Variants in CCDC88A observed in about 807,000 individuals in gnomAD.
The protein encoded by CCDC88A is girdin.
CCDC88A carries 54 observed loss-of-function variants against 234.3 expected under a neutral mutation model. The ratio of observed to expected loss-of-function variants is 0.23; its 90% CI spans 0.19 to 0.29. The LOEUF (loss-of-function observed/expected upper bound fraction) is 0.29. Ranked by LOEUF, CCDC88A falls within the 10% of genes least tolerant of loss-of-function variation. The probability of loss-of-function intolerance (pLI) is 1.00; values close to 1 mark genes in which losing one functional copy is unlikely to be tolerated. For synonymous variants in CCDC88A, 753 were observed against 737.8 expected (o/e 1.02, Z -0.33); for missense variants, 1,832 against 2,123.4 (o/e 0.86, Z 2.70).
chr2:55,406,583 G>A (rs183079022), intron 2 of CCDC88A, among the ~76,000 whole-genome samples: 37 of 152,122 alleles, frequency 2.4e-4, no homozygotes, highest in African/African-American at 7.7e-4. Context: ...GAAAAACCCC[G>A]TCTCTACTAA....
At chr2:55,388,439 G>GCA (rs1676062881) in intron 3 of CCDC88A, 1 of 60,176 alleles carries the variant, frequency 1.7e-5, no homozygotes, top group Non-Finnish European at 4.6e-5. Flanking sequence ...TCCAATTCAG[G>GCA]TTTTTTTTTT....
Position 55,308,870 on chromosome 2 carries a change from A to T in CCDC88A, c.4326T>A (p.Ser1442Arg). The change falls in exon 25 of 33, where the codon AGT (serine) becomes AGA (arginine). Residue 1442 changes from serine to arginine, a missense_variant. Transcript: ENST00000436346. ...LQLPHQDSQDSSSVGSNSLED... is the reference protein window; with the variant it reads ...LQLPHQDSQDRSSVGSNSLED... ...CTAAAGAGTTTGAACCTACTGAAGA[A>T]CTATCTTGACTGTCTTGATGAGGGA... 1 of 1,614,154 alleles carries T rather than the reference A, an allele frequency of 6.2e-7. No homozygotes were observed. The highest frequency in any genetic ancestry group is 8.5e-7 in the Non-Finnish European group (1 of 1,180,000).
At chr2:55,418,695 T>C (rs1035972582) in intron 2 of CCDC88A, 121 bp downstream of exon 2, 8 of 721,284 alleles carry the variant, frequency 1.1e-5, no homozygotes, top group Non-Finnish European at 1.9e-5. Context: ...ATCCAATTCT[T>C]AAACCACCTG....
intron 2 of CCDC88A, chr2:55,418,564 C>A: frequency 2.0e-6 from 1 of 508,400 alleles, no homozygotes; most frequent in Non-Finnish European, 3.5e-6. Context: ...GATTTCAGTA[C>A]TGAAGACAAG....
At chr2:55,398,613 A>G (rs1678031517) in intron 2 of CCDC88A, among the ~76,000 whole-genome samples, 1 of 152,128 alleles carries the variant, frequency 6.6e-6, no homozygotes, top group Admixed American at 6.5e-5. Context: ...AAACTACCAG[A>G]AAAGTCCTAA....
intron 2 of CCDC88A, among the ~76,000 whole-genome samples, chr2:55,409,738 C>CTTTTTTTTTTTTTTTT (rs61703330): frequency 8.9e-6 from 1 of 111,732 alleles, no homozygotes; most frequent in African/African-American, 4.2e-5. Context: ...ATATACCTCC[C>CTTTTTTTTTTTTTTTT]TTTTTTTTTT....
At chr2:55,399,327 C>T (rs1574465749) in intron 2 of CCDC88A, among the ~76,000 whole-genome samples, 1 of 151,930 alleles carries the variant, frequency 6.6e-6, no homozygotes, top group South Asian at 2.1e-4. Context: ...GAGTTCAAGA[C>T]CAGCCTGGCC....
intron 2 of CCDC88A, among the ~76,000 whole-genome samples, chr2:55,393,289 GTTTT>G (rs558827055): frequency 1.1e-4 from 7 of 61,680 alleles, no homozygotes; most frequent in Non-Finnish European, 1.3e-4. Context: ...GGTTTTTTGG[GTTTT>G]TTTTTTTTTT....
At chr2:55,348,844 G>C (rs1669516875) in intron 9 of CCDC88A, 1 of 152,138 alleles carries the variant, frequency 6.6e-6, no homozygotes, top group Non-Finnish European at 1.5e-5. Context: ...TATCTATGAA[G>C]GTCCCAGTTT....
chr2:55,349,853 T>C (rs774691964), intron 8 of CCDC88A: 3 of 294,118 alleles, frequency 1.0e-5, no homozygotes, highest in Non-Finnish European at 1.8e-5. Flanking sequence ...TTTCTCTTTC[T>C]CTCTTTTCAT....
rs373391167 is a variant in CCDC88A, at chr2:55,384,590, C to CGCATATATGCGTATATATGCGTATATAT, written c.273+4187_273+4188insATATATACGCATATATACGCATATATGC. On this transcript the variant is annotated intron_variant, in intron 3 of 32. Transcript: ENST00000436346. ...ATATACGTATATATGTGTATATATA[C>CGCATATATGCGTATATATGCGTATATAT]ACATATATACGTATATATGTGTATA... is the stretch of plus-strand genomic sequence containing the variant. 2.6e-3 allele frequency among the ~76,000 whole-genome samples: 5 copies of CGCATATATGCGTATATATGCGTATATAT among 1,950 alleles called. 2 individuals are homozygous for CGCATATATGCGTATATATGCGTATATAT. Among genetic ancestry groups the CGCATATATGCGTATATATGCGTATATAT allele is most frequent in the African/African-American group, 5.8e-3 (5 of 864 alleles). The allele number at this position is 1,950 out of a possible 152,430, so 1.3% of individuals were successfully genotyped here. A position where few individuals can be genotyped will look rare whatever the true frequency, so the allele number is the denominator to read the frequency against.
Position 55,374,854 on chromosome 2 carries a change from C to A in CCDC88A, c.303G>T (p.Ser101=), listed in dbSNP as rs190035436. The part of the protein sequence containing the change: ...QETLQQLIMM[S]LPNVLIIGKN... ...TGCCAATGATTAAGACATTTGGCAA[C>A]GACATCATGATCAATTGCTGCAAAG... is the stretch of plus-strand genomic sequence containing the variant. Residue 101 remains serine, a synonymous_variant, in exon 4 of 33, where the codon TCG becomes TCT. Transcript: ENST00000436346. 1.9e-6 allele frequency: 3 copies of A among 1,607,876 alleles called. No homozygotes were observed. Among genetic ancestry groups the A allele is most frequent in the South Asian group, 2.2e-5 (2 of 90,410 alleles).
Position 55,332,696 on chromosome 2 carries a change from T to C in CCDC88A, c.2728-3A>G, listed in dbSNP as rs1685061135. 1 of 1,612,620 alleles carries C rather than the reference T, an allele frequency of 6.2e-7. No homozygotes were observed. The highest frequency in any genetic ancestry group is 8.5e-7 in the Non-Finnish European group (1 of 1,179,324). ...TTCAACTTTTCACTCACCAAATCCTTATTTTAAAAGAAATGCAAAACTCAC... is the reference window on the plus strand; with the variant it reads ...TTCAACTTTTCACTCACCAAATCCTCATTTTAAAAGAAATGCAAAACTCAC... On this transcript the variant is annotated splice_region_variant and splice_polypyrimidine_tract_variant and intron_variant, in intron 15 of 32. Transcript: ENST00000436346. This position sits in a 1 kb window ranked among gnomAD's most constrained non-coding sequence, Gnocchi z 4.5.
At chr2:55,305,124 TAAAAC>T (rs1218760249) in intron 25 of CCDC88A, among the ~76,000 whole-genome samples, 2 of 152,222 alleles carry the variant, frequency 1.3e-5, no homozygotes, top group African/African-American at 2.4e-5. Context: ...GACACTTAGA[TAAAAC>T]AAAGCTGAGT....
At chr2:55,354,341 G>T (rs1456373534) in intron 8 of CCDC88A, among the ~76,000 whole-genome samples, 1 of 151,928 alleles carries the variant, frequency 6.6e-6, no homozygotes, top group Non-Finnish European at 1.5e-5. Flanking sequence ...ATGTTGGCCA[G>T]GCTGGTCTTG....
chr2:55,397,571 G>A (rs1008880966), intron 2 of CCDC88A, among the ~76,000 whole-genome samples: 16 of 151,832 alleles, frequency 1.1e-4, no homozygotes, highest in Admixed American at 5.9e-4. Context: ...TACTTTGGAT[G>A]CATAATATTC....
intron 14 of CCDC88A, 139 bp downstream of exon 14, chr2:55,336,542 T>G: frequency 1.9e-6 from 1 of 535,496 alleles, no homozygotes; most frequent in Non-Finnish European, 3.1e-6. Flanking sequence ...TGAGGTAAAA[T>G]TATAATTACT....
chr2:55,388,031 A>G (rs1675987993), intron 3 of CCDC88A, among the ~76,000 whole-genome samples: 1 of 152,186 alleles, frequency 6.6e-6, no homozygotes, highest in Admixed American at 6.5e-5. Flanking sequence ...GAACAATACA[A>G]TTAACAAACA....
intron 16 of CCDC88A, chr2:55,329,966 G>T (rs1007581242): frequency 2.6e-5 from 4 of 152,068 alleles, no homozygotes; most frequent in Non-Finnish European, 4.4e-5. Flanking sequence ...TCACCATGAT[G>T]GCCAGGCTGG....
Sources: gnomAD v4.1 joint callset for allele counts (sites outside exome capture counted in the v4.1 genomes callset) on GRCh38, gnomAD v4.1.1 for gene constraint, Gnocchi (gnomAD v3.1) non-coding constraint, MANE v1.5 for transcripts, NCBI Gene and HGNC (gene_info 2026-07-23, HGNC 2026-07-21) for gene names.